Variants in PASK observed in about 807,000 individuals in gnomAD.
PASK encodes the protein PAS domain-containing serine/threonine-protein kinase.
A neutral mutation model predicts 121.0 loss-of-function variants in PASK; 110 were observed. The ratio of observed to expected loss-of-function variants is 0.91; its 90% confidence interval spans 0.78 to 1.06. The LOEUF is 1.06. PASK is among the 50% of genes least tolerant of loss of function. The pLI is 0.00. For missense variants in PASK, 1,643 were observed against 1,702.3 expected (o/e 0.97, Z 0.61); for synonymous variants, 686 against 717.8 (o/e 0.96, Z 0.71).
At chr2:241,124,669 A>G (rs2065773002) in intron 10 of PASK, among the ~76,000 whole-genome samples, 1 of 152,246 alleles carries the variant, frequency 6.6e-6, no homozygotes, top group Admixed American at 6.5e-5. Flanking sequence ...GCTATACACC[A>G]ACATAAGTGT....
intron 11 of PASK, 136 bp downstream of exon 11, chr2:241,123,813 C>T (rs1228694152): frequency 1.5e-5 from 11 of 731,316 alleles, no homozygotes; most frequent in Non-Finnish European, 2.3e-5. Flanking sequence ...AGCAAGACTC[C>T]GTCCCAGAAA....
intron 9 of PASK, chr2:241,127,677 A>C: frequency 1.1e-5 from 6 of 553,370 alleles, no homozygotes; most frequent in Middle Eastern, 4.9e-4. Context: ...ATGCTACCAA[A>C]AGCCCAACAG....
At chr2:241,129,302 C>A (rs1463391695) in intron 9 of PASK, among the ~76,000 whole-genome samples, 1 of 152,188 alleles carries the variant, frequency 6.6e-6, no homozygotes, top group African/African-American at 2.4e-5. Context: ...CGGGCTGCTG[C>A]AGCCTCAGTA....
intron 14 of PASK, chr2:241,114,134 GTGT>G (rs1401950469): frequency 7.1e-6 from 7 of 985,188 alleles, no homozygotes; most frequent in Non-Finnish European, 8.4e-6. Context: ...TCAGAAACAA[GTGT>G]TGGCCACAAA....
At position 241,108,683 on chromosome 2, in the gene PASK, T is replaced by C; in HGVS notation, c.3534-383A>G. ...CAGGCCACTTCAGAACAGGGTCACG[T>C]GCCCTTCAGACGTGATCAGGCATGT... On this transcript the variant is annotated intron_variant, in intron 15 of 17. Transcript: ENST00000234040. This position sits in a 1 kb window ranked among gnomAD's most constrained non-coding sequence, Gnocchi z 5.2. 5.4e-6 allele frequency: 2 copies of C among 367,214 alleles called. No homozygotes were observed. The highest frequency in any genetic ancestry group is 1.1e-5 in the Non-Finnish European group (2 of 188,054). The allele number at this position is 367,214 out of a possible 1,614,324, so 22.7% of individuals were successfully genotyped here. A position where few individuals can be genotyped will look rare whatever the true frequency, so the allele number is the denominator to read the frequency against.
At chr2:241,113,286 G>A (rs932618543) in intron 14 of PASK, 1 of 152,054 alleles carries the variant, frequency 6.6e-6, no homozygotes, top group African/African-American at 2.4e-5. Context: ...TTCAAATCAG[G>A]AGCAATAATC....
rs2066958 is a variant in PASK, at chr2:241,135,947, G to A, written c.1230C>T (p.Asp410=). The stretch of plus-strand genomic sequence containing the variant: ...CCCCACACCCACTCTCATTGCCGAC[G>A]TCCAGGCAGCTGGCCAGGTCTGGGA... ...LQLPDLASCL[D]VGNESGCGER... The change falls in exon 8 of 18, where the codon GAC becomes GAT. Residue 410 remains aspartate (D), a synonymous_variant. Coordinates refer to ENST00000234040, the MANE Select transcript of PASK (RefSeq NM_015148.4). 33,993 of 1,614,036 alleles carry A rather than the reference G, an allele frequency of 0.021. 3,087 individuals carry two copies. The East Asian group carries it at 0.24, about 12-fold the overall frequency.
intron 14 of PASK, chr2:241,114,503 T>G: frequency 1.0e-6 from 1 of 999,586 alleles, no homozygotes; most frequent in Non-Finnish European, 1.2e-6. Context: ...TCTGCTAGGG[T>G]GCCTTCCTAT....
At chr2:241,144,587 C>T (rs182735099) in intron 1 of PASK, among the ~76,000 whole-genome samples, 64 of 152,346 alleles carry the variant, frequency 4.2e-4, no homozygotes, top group African/African-American at 1.3e-3. Flanking sequence ...CACACACAGG[C>T]CTCTTTCCAC....
At position 241,126,273 on chromosome 2, in the gene PASK, C is replaced by T. The variant is rs149167340; in HGVS notation, c.2642G>A (p.Gly881Glu). 1,662 of 1,614,028 alleles carry T rather than the reference C, an allele frequency of 1.0e-3. No individual in the cohort carries two copies. The highest frequency in any genetic ancestry group is 1.3e-3 in the Non-Finnish European group (1,576 of 1,180,038). Residue 881 changes from glycine to glutamate, a missense_variant, in exon 10 of 18, where the codon GGG becomes GAG. Gly to Glu is a moderately conservative substitution (Grantham distance 98, BLOSUM62 -2). This residue lies in a region of PASK where 1,176 missense variants were observed against 1,162.2 expected (regional missense o/e 1.01). Coordinates refer to ENST00000234040, the MANE Select transcript of PASK (RefSeq NM_015148.4). ...GATCTCCCGCTGCAGGCCAGCAGCC[C>T]CGCGCATCACGATCACGGGCGTGGA... ...VTSTPVIVMR[G>E]AAGLQREIQE...
At chr2:241,115,548 G>A (rs1160742025) in intron 12 of PASK, 135 bp from the exon 13 acceptor site, 3 of 1,001,790 alleles carry the variant, frequency 3.0e-6, no homozygotes, top group African/African-American at 3.2e-5. Context: ...TTACACCAGG[G>A]CCACCTGGTC....
chr2:241,129,844 C>T (rs982064037), intron 9 of PASK, among the ~76,000 whole-genome samples: 1 of 152,208 alleles, frequency 6.6e-6, no homozygotes, highest in African/African-American at 2.4e-5. Context: ...CGTAGGTCCT[C>T]CAGTGGGGAA....
At chr2:241,124,918 G>A (rs1227488608) in intron 10 of PASK, among the ~76,000 whole-genome samples, 1 of 152,206 alleles carries the variant, frequency 6.6e-6, no homozygotes, top group Non-Finnish European at 1.5e-5. Flanking sequence ...TGTAATCTCA[G>A]CACTTTGGGA....
In PASK at chr2:241,143,042, G is replaced by A. The variant is rs2066783745; in HGVS notation, c.-10C>T. 6.2e-7 allele frequency: 1 copy of A among 1,609,550 alleles called. No homozygotes were observed. The highest frequency in any genetic ancestry group is 1.3e-5 in the African/African-American group (1 of 74,832). On this transcript the variant is annotated 5_prime_UTR_variant, in exon 2 of 18. Transcript: ENST00000234040. The stretch of plus-strand genomic sequence containing the variant: ...AGCCCCCGTCCTCCATGGGAAGAAG[G>A]GAGGCCAACTGCCAAGCTTCCAACT...
Position 241,132,982 on chromosome 2 carries a change from T to C in PASK, c.1355A>G (p.Asp452Gly), listed in dbSNP as rs2066235659. 5 of 1,614,068 alleles carry C rather than the reference T, an allele frequency of 3.1e-6. No individual in the cohort carries two copies. In the East Asian group the frequency reaches 8.9e-5, roughly 29 times the overall value. ...GCTTTCCATCAGCTTCCGGATCTCA[T>C]CTCGGGGCACAACGTGGCCACCAGC... Reference protein sequence around the residue: ...VLAGGHVVPRDEIRKLMESQD... With the variant: ...VLAGGHVVPRGEIRKLMESQD... Residue 452 changes from aspartate (D) to glycine (G), a missense_variant, in exon 9 of 18, where the codon GAT (aspartate) becomes GGT (glycine). Physicochemically the swap from Asp to Gly is moderately conservative, Grantham distance 94. This residue lies in a region of PASK where 1,176 missense variants were observed against 1,162.2 expected (regional missense o/e 1.01). Coordinates refer to ENST00000234040, the MANE Select transcript of PASK (RefSeq NM_015148.4).
At chr2:241,145,229 T>TA (rs1245011080) in intron 1 of PASK, among the ~76,000 whole-genome samples, 3 of 152,162 alleles carry the variant, frequency 2.0e-5, no homozygotes. Context: ...TCCCTGTTTG[T>TA]ATGTATCTTC....
intron 9 of PASK, among the ~76,000 whole-genome samples, chr2:241,132,262 T>C (rs2066181479): frequency 6.7e-6 from 1 of 150,348 alleles, no homozygotes. Flanking sequence ...TTGAAAATGA[T>C]AAAATTAATC....
Position 241,127,396 on chromosome 2 carries a change from T to C in PASK, c.1519A>G (p.Lys507Glu). The change falls in exon 10 of 18, where the codon AAG becomes GAG. Residue 507 changes from lysine to glutamate, a missense_variant. Physicochemically the swap from Lys to Glu is moderately conservative, Grantham distance 56. Coordinates refer to ENST00000234040, the MANE Select transcript of PASK (RefSeq NM_015148.4). ...LPVHGEQALP[K>E]DQQITALGRE... Reference sequence around the variant, plus strand: ...CCCAAGGCAGTGATTTGCTGGTCCTTGGGCAGCGCCTGTTCACCGTGCACT... The same window carrying C: ...CCCAAGGCAGTGATTTGCTGGTCCTCGGGCAGCGCCTGTTCACCGTGCACT... The C allele has an allele frequency of 1.9e-6, 3 of 1,614,116 alleles. No individual in the cohort carries two copies. The highest frequency in any genetic ancestry group is 2.5e-6 in the Non-Finnish European group (3 of 1,179,960).
intron 9 of PASK, chr2:241,127,719 T>C: frequency 2.2e-6 from 1 of 457,060 alleles, no homozygotes; most frequent in Non-Finnish European, 4.0e-6. Context: ...AATGCTTTGG[T>C]CAGCGCTCTC....
Sources: allele counts gnomAD v4.1 joint callset (sites outside exome capture counted in the v4.1 genomes callset), GRCh38; gene constraint gnomAD v4.1.1; regional missense constraint gnomAD v4.1.1; non-coding constraint Gnocchi (gnomAD v3.1); transcripts MANE v1.5; gene names NCBI Gene and HGNC (gene_info 2026-07-23, HGNC 2026-07-21).